The following PEMT variants were observed in gnomAD, a reference collection of about 807,000 sequenced individuals.
PEMT encodes phospholipid methyltransferase.
Under a neutral mutation model 27.4 loss-of-function variants are expected in PEMT, and 23 were observed. The ratio of observed to expected loss-of-function variants is 0.84; its 90% CI spans 0.60 to 1.19. The LOEUF is 1.19. Ranked by LOEUF, PEMT falls within the 50% of genes most tolerant of loss-of-function variation. The pLI is 0.00. For synonymous variants in PEMT, 137 were observed against 139.1 expected, an observed-to-expected ratio of 0.98 and a Z score of 0.11; for missense variants, 307 against 310.1, an observed-to-expected ratio of 0.99 and a Z score of 0.07.
chr17:17,527,837 G>T (rs1470099344), intron 2 of PEMT, among the ~76,000 whole-genome samples: 1 of 152,228 alleles, frequency 6.6e-6, no homozygotes, highest in Non-Finnish European at 1.5e-5. Context: ...CCGGCTGCCA[G>T]GCCTCTCCCC....
intron 5 of PEMT, chr17:17,507,212 AGGAG>A (rs749165530): frequency 3.5e-4 from 543 of 1,542,228 alleles, no homozygotes; most frequent in Non-Finnish European, 3.9e-4. Flanking sequence ...GCTGCCAGGG[AGGAG>A]GGAGGGAGGG....
At chr17:17,569,416 G>A (rs977097850) in intron 2 of PEMT, among the ~76,000 whole-genome samples, 1 of 152,166 alleles carries the variant, frequency 6.6e-6, no homozygotes, top group Non-Finnish European at 1.5e-5. Flanking sequence ...CCTTGAGGAT[G>A]GACTTGGGTG....
intron 2 of PEMT, among the ~76,000 whole-genome samples, chr17:17,569,184 G>A (rs1171911788): frequency 1.3e-5 from 2 of 152,218 alleles, no homozygotes; most frequent in Admixed American, 6.5e-5. Flanking sequence ...ACAGACATAA[G>A]GCCTGCTGCC....
At chr17:17,518,637 C>G (rs1907030963) in intron 3 of PEMT, among the ~76,000 whole-genome samples, 1 of 152,222 alleles carries the variant, frequency 6.6e-6, no homozygotes. Context: ...CTGCTGGTGG[C>G]CTCTCGGACA....
chr17:17,514,007 C>T (rs1363725352), intron 3 of PEMT, among the ~76,000 whole-genome samples: 4 of 152,166 alleles, frequency 2.6e-5, no homozygotes, highest in African/African-American at 9.7e-5. Context: ...CTCCATCCAT[C>T]TATCCTCTAT....
Position 17,512,793 on chromosome 17 carries a change from G to A in PEMT, c.321-139C>T. On this transcript the variant is annotated intron_variant, in intron 3 of 6. Coordinates refer to ENST00000255389, the MANE Select transcript of PEMT (RefSeq NM_148172.3). The surrounding 1 kb of genome is among the most constrained non-coding windows in gnomAD (Gnocchi z 6.3). ...AGCCCAGGGCTGCCAGGCCAGGCAG[G>A]CAGCAGGTGGGGTCCAGTCCACCTG... 1 of 715,256 alleles carries A rather than the reference G, an allele frequency of 1.4e-6. No homozygotes were observed. Among genetic ancestry groups the A allele is most frequent in the Non-Finnish European group, 2.0e-6 (1 of 501,336 alleles). The allele number at this position is 715,256 out of a possible 1,614,324, so 44.3% of individuals were successfully genotyped here.
rs1912048928 is a variant in PEMT, at chr17:17,582,834, C to T, written c.97-5807G>A. Among the ~76,000 whole-genome samples, 1 of 152,194 alleles carries T rather than the reference C, an allele frequency of 6.6e-6. No homozygotes were observed. The highest frequency in any genetic ancestry group is 6.5e-5 in the Admixed American group (1 of 15,284). ...ATCCCAGCACTTTGGGAGGCCTAGG[C>T]AGGCGGATCACAAGGCCAGGAGTCA... is the stretch of plus-strand genomic sequence containing the variant. On this transcript the variant is annotated intron_variant, in intron 1 of 6. Coordinates refer to ENST00000255389, the MANE Select transcript of PEMT (RefSeq NM_148172.3). This position sits in a 1 kb window ranked among gnomAD's most constrained non-coding sequence, Gnocchi z 4.9.
In PEMT at chr17:17,513,777, G is replaced by T. The variant is rs550877518; in HGVS notation, c.321-1123C>A. On this transcript the variant is annotated intron_variant, in intron 3 of 6. Coordinates refer to ENST00000255389, the MANE Select transcript of PEMT (RefSeq NM_148172.3). This position sits in a 1 kb window ranked among gnomAD's most constrained non-coding sequence, Gnocchi z 4.1. ...GGGGAGCGGGCGCTGGTGGGAAGGGGGCCCTGGGTGCTAGATGAGAGGCAC... is the reference window on the plus strand; with the variant it reads ...GGGGAGCGGGCGCTGGTGGGAAGGGTGCCCTGGGTGCTAGATGAGAGGCAC... Among the ~76,000 whole-genome samples the T allele has an allele frequency of 5.3e-5, 8 of 152,056 alleles. No individual in the cohort carries two copies. The East Asian group carries it at 1.6e-3, about 29-fold the overall frequency.
Position 17,591,517 on chromosome 17 carries a change from G to C in PEMT, c.96+14C>G, listed in dbSNP as rs750038080. 1 of 1,596,620 alleles carries C rather than the reference G, an allele frequency of 6.3e-7. No homozygotes were observed. Among genetic ancestry groups the C allele is most frequent in the East Asian group, 2.3e-5 (1 of 44,254 alleles). On this transcript the variant is annotated intron_variant, in intron 1 of 6. Coordinates refer to ENST00000255389, the MANE Select transcript of PEMT (RefSeq NM_148172.3). ...CCTCTCCCAGTTTCCGCGGCGGTCC[G>C]GTGCGGTCAGTACCTGTCTAAAATC...
intron 1 of PEMT, among the ~76,000 whole-genome samples, chr17:17,578,079 G>A (rs1050985704): frequency 4.6e-5 from 7 of 151,400 alleles, no homozygotes; most frequent in African/African-American, 1.5e-4. Flanking sequence ...TGAAACACAC[G>A]GCTGAGTAGA....
At chr17:17,507,335 C>A in intron 5 of PEMT, 1 of 699,988 alleles carries the variant, frequency 1.4e-6, no homozygotes, top group Admixed American at 2.2e-5. Flanking sequence ...CTGTGCCAAG[C>A]TGCCCCCTCC....
Position 17,507,266 on chromosome 17 carries a change from C to T in PEMT, c.579-965G>A, listed in dbSNP as rs974423945. The T allele has an allele frequency of 2.8e-5, 38 of 1,358,746 alleles. 1 individual carries two copies. Among genetic ancestry groups the T allele is most frequent in the Admixed American group, 2.4e-4 (12 of 50,760 alleles). 84.2% of individuals were successfully genotyped at this position (1,358,746 alleles called of 1,614,324 possible). On this transcript the variant is annotated intron_variant, in intron 5 of 6. Transcript: ENST00000255389. ...GAGAGGGAGGAAAGGAGCTGTCTGGCGGGCACAGAGGGCGCATGGGCAGGC... is the reference window on the plus strand; with the variant it reads ...GAGAGGGAGGAAAGGAGCTGTCTGGTGGGCACAGAGGGCGCATGGGCAGGC...
intron 1 of PEMT, among the ~76,000 whole-genome samples, chr17:17,589,045 C>T (rs905991182): frequency 6.6e-6 from 1 of 152,256 alleles, no homozygotes; most frequent in Non-Finnish European, 1.5e-5. Context: ...ACTGCAACCT[C>T]CACCTACGGG....
chr17:17,524,284 C>T lies in PEMT; in HGVS notation c.205-1889G>A, dbSNP rs148213738. ...TTTGTGGATGTGTGTTTTCAGTGCT[C>T]TCAGGTATACACCTAGGAGTGGAAT... On this transcript the variant is annotated intron_variant, in intron 2 of 6. Transcript: ENST00000255389. 2.2e-3 allele frequency among the ~76,000 whole-genome samples: 331 copies of T among 152,268 alleles called. 2 individuals carry two copies. The highest frequency in any genetic ancestry group is 7.7e-3 in the African/African-American group (321 of 41,534).
chr17:17,554,961 A>G (rs530648177), intron 2 of PEMT, among the ~76,000 whole-genome samples: 1 of 152,282 alleles, frequency 6.6e-6, no homozygotes, highest in Admixed American at 6.5e-5. Flanking sequence ...GAAAGGGAGC[A>G]CATAGCTACT....
At chr17:17,535,808 C>T (rs537233942) in intron 2 of PEMT, among the ~76,000 whole-genome samples, 11 of 152,242 alleles carry the variant, frequency 7.2e-5, no homozygotes, top group East Asian at 1.9e-4. Context: ...GGTCATTAAA[C>T]GGTTCTAGTT....
chr17:17,585,555 C>T (rs572632191), intron 1 of PEMT, among the ~76,000 whole-genome samples: 12 of 152,286 alleles, frequency 7.9e-5, no homozygotes, highest in African/African-American at 2.6e-4. Flanking sequence ...AATATTATCC[C>T]TAATACCTGC....
chr17:17,592,022 T>G (rs992592339), upstream of PEMT: 13 of 985,260 alleles, frequency 1.3e-5, no homozygotes, highest in African/African-American at 2.1e-4. Flanking sequence ...GGGCCGCGGG[T>G]CGTAGCTATA....
intron 2 of PEMT, among the ~76,000 whole-genome samples, chr17:17,553,433 T>C (rs1436884056): frequency 6.6e-6 from 1 of 152,210 alleles, no homozygotes; most frequent in African/African-American, 2.4e-5. Context: ...GGAAAGAGCG[T>C]AGGCAACCAC....
Sources: allele counts gnomAD v4.1 joint callset (sites outside exome capture counted in the v4.1 genomes callset), GRCh38; gene constraint gnomAD v4.1.1; non-coding constraint Gnocchi (gnomAD v3.1); transcripts MANE v1.5; gene names NCBI Gene and HGNC (gene_info 2026-07-23, HGNC 2026-07-21).